Variants in NAV1 observed in about 807,000 individuals in gnomAD.
NAV1 encodes neuron navigator 1.
In NAV1, 18 loss-of-function variants were observed where a neutral mutation model predicts 175.2. The observed-to-expected ratio is 0.10, with a 90% CI of 0.07 to 0.15. The LOEUF (loss-of-function observed/expected upper bound fraction) is 0.15. Among genes scored for constraint, NAV1 ranks in the 10% least tolerant of loss-of-function variants. The pLI, the probability that NAV1 is intolerant of heterozygous loss-of-function variation, is 1.00. For missense variants in NAV1, 1,731 were observed against 2,436.6 expected (o/e 0.71, Z 6.10); for synonymous variants, 897 against 978.7 (o/e 0.92, Z 1.56).
At chr1:201,749,157 A>C (rs1673949730) in intron 3 of NAV1, among the ~76,000 whole-genome samples, 1 of 152,192 alleles carries the variant, frequency 6.6e-6, no homozygotes. Context: ...CAAAAAAAGA[A>C]AAAGACTCTC....
At chr1:201,551,986 G>A (rs1665868029) in intron 1 of NAV1, among the ~76,000 whole-genome samples, 2 of 152,118 alleles carry the variant, frequency 1.3e-5, no homozygotes, top group South Asian at 4.1e-4. Flanking sequence ...ACCCCTCTTA[G>A]TCATCTCCCC....
intron 1 of NAV1, among the ~76,000 whole-genome samples, chr1:201,684,831 C>T (rs1317440885): frequency 4.6e-5 from 7 of 150,956 alleles, no homozygotes; most frequent in Non-Finnish European, 8.9e-5. Flanking sequence ...GGTGTGGTGG[C>T]GAGCGCCTGT....
chr1:201,813,315 T>A lies in NAV1; in HGVS notation c.5340+57T>A. The A allele has an allele frequency of 8.8e-7, 1 of 1,135,790 alleles. No homozygotes were observed. The highest frequency in any genetic ancestry group is 1.3e-6 in the Non-Finnish European group (1 of 765,218). 70.4% of individuals were successfully genotyped at this position (1,135,790 alleles called of 1,614,324 possible). On this transcript the variant is annotated intron_variant, in intron 28 of 29. Transcript: ENST00000367296. The surrounding 1 kb of genome is among the most constrained non-coding windows in gnomAD (Gnocchi z 4.2). ...GATCAGGCTGTCCTACCTAACAAAG[T>A]AGGAATGTTTCTTTAATGTTAGGCA...
chr1:201,805,990 T>TC (rs1491487363), intron 17 of NAV1, among the ~76,000 whole-genome samples: 1 of 40,902 alleles, frequency 2.4e-5, no homozygotes, highest in African/African-American at 1.2e-4. Flanking sequence ...TCTCTCTCTC[T>TC]TTTTTTTTTT....
intron 2 of NAV1, among the ~76,000 whole-genome samples, chr1:201,611,444 C>G (rs1414668329): frequency 6.6e-6 from 1 of 152,164 alleles, no homozygotes; most frequent in Admixed American, 6.5e-5. Flanking sequence ...GCAGTCCTGT[C>G]CCCAGCCCTG....
chr1:201,727,868 T>C (rs189362585), intron 3 of NAV1, among the ~76,000 whole-genome samples: 4 of 152,272 alleles, frequency 2.6e-5, no homozygotes, highest in Admixed American at 2.6e-4. Flanking sequence ...TGAGGGCAGC[T>C]CCTAGAGGGC....
intron 8 of NAV1, among the ~76,000 whole-genome samples, chr1:201,786,208 G>A (rs1571492640): frequency 6.6e-6 from 1 of 152,106 alleles, no homozygotes. Context: ...AACCCTTACG[G>A]GAATACCTGC....
intron 1 of NAV1, among the ~76,000 whole-genome samples, chr1:201,681,836 C>T (rs12138341): frequency 0.42 from 63,351 of 151,350 alleles, 13,589 homozygotes; most frequent in South Asian, 0.63. Context: ...AGCCAAGGGC[C>T]GAGTGCTGTG....
At chr1:201,799,073 T>G (rs1466351652) in intron 15 of NAV1, among the ~76,000 whole-genome samples, 1 of 151,830 alleles carries the variant, frequency 6.6e-6, no homozygotes, top group Non-Finnish European at 1.5e-5. Flanking sequence ...TACATCCATC[T>G]TCAAAAAAAA....
rs1474498338 is a variant in NAV1 at position 201,719,160 on chromosome 1, A to G, written c.1226+405A>G. On this transcript the variant is annotated intron_variant, in intron 3 of 29. Coordinates refer to ENST00000367296, the Ensembl canonical transcript of NAV1. ...ACTAAATCTGCTTTCCCATTTGCAAAAAAAAAAAAAACCAAAAAGGTTATT... is the reference window on the plus strand; with the variant it reads ...ACTAAATCTGCTTTCCCATTTGCAAGAAAAAAAAAAACCAAAAAGGTTATT... Among the ~76,000 whole-genome samples the G allele has an allele frequency of 2.0e-5, 3 of 150,356 alleles. No homozygotes were observed. The East Asian group carries it at 5.8e-4, about 29-fold the overall frequency.
intron 1 of NAV1, among the ~76,000 whole-genome samples, chr1:201,684,625 C>T (rs180864472): frequency 0.015 from 2,318 of 151,712 alleles, 33 homozygotes; most frequent in Non-Finnish European, 0.02. Flanking sequence ...CAGGCATCTG[C>T]CACCACGCCT....
At chr1:201,714,384 G>C (rs778543666) in intron 2 of NAV1, among the ~76,000 whole-genome samples, 1 of 152,126 alleles carries the variant, frequency 6.6e-6, no homozygotes, top group Non-Finnish European at 1.5e-5. Flanking sequence ...GCCCATGCCC[G>C]CATCTTGGAC....
Position 201,679,298 on chromosome 1 carries a change from G to A in NAV1, c.757+29873G>A, listed in dbSNP as rs78150137. 8.5e-5 allele frequency among the ~76,000 whole-genome samples: 13 copies of A among 152,284 alleles called. No individual in the cohort carries two copies. In the South Asian group the frequency reaches 1.5e-3, roughly 17 times the overall value. On this transcript the variant is annotated intron_variant, in intron 1 of 29. Transcript: ENST00000367296. Reference sequence around the variant, plus strand: ...GTCCTCTAATTACCGGTGTGCATCTGGGAAAGTGAGTCAGCCACGTGAAAA... The same window carrying A: ...GTCCTCTAATTACCGGTGTGCATCTAGGAAAGTGAGTCAGCCACGTGAAAA...
chr1:201,601,157 T>A (rs1285378814), intron 2 of NAV1, among the ~76,000 whole-genome samples: 1 of 152,252 alleles, frequency 6.6e-6, no homozygotes, highest in Non-Finnish European at 1.5e-5. Flanking sequence ...TAGCTGCTGT[T>A]GTCTGCATGT....
chr1:201,809,857 T>G (rs570435352), intron 22 of NAV1, 89 bp from the exon 27 acceptor site: 2 of 1,279,382 alleles, frequency 1.6e-6, no homozygotes, highest in African/African-American at 3.0e-5. Context: ...CTCCATCTAT[T>G]TCTGTTTCCT....
chr1:201,672,913 G>A (rs534163790), intron 1 of NAV1, among the ~76,000 whole-genome samples: 2 of 152,308 alleles, frequency 1.3e-5, no homozygotes, highest in South Asian at 2.1e-4. Context: ...GACTGATGGC[G>A]ATGCCAGTGG....
At chr1:201,593,849 A>G (rs1381635467) in intron 2 of NAV1, among the ~76,000 whole-genome samples, 1 of 152,084 alleles carries the variant, frequency 6.6e-6, no homozygotes, top group East Asian at 1.9e-4. Context: ...CTCTAGTTGC[A>G]GCTGCAGGGA....
In NAV1 at chr1:201,808,321, G is replaced by A. The variant is rs1215169257; in HGVS notation, c.3846-97G>A. ...TCTCATGCTGATTGAATATCAATGG[G>A]CAGGAGAAGCCAAGACCACCAACCA... On this transcript the variant is annotated intron_variant, in intron 18 of 29. Coordinates refer to ENST00000367296, the Ensembl canonical transcript of NAV1. The surrounding 1 kb of genome is among the most constrained non-coding windows in gnomAD (Gnocchi z 5.5). The A allele has an allele frequency of 3.5e-6, 5 of 1,435,418 alleles. No homozygotes were observed. The highest frequency in any genetic ancestry group is 4.7e-6 in the Non-Finnish European group (5 of 1,060,008). 88.9% of individuals were successfully genotyped at this position (1,435,418 alleles called of 1,614,324 possible).
At chr1:201,545,022 C>T (rs765572729) in intron 1 of NAV1, among the ~76,000 whole-genome samples, 3 of 152,222 alleles carry the variant, frequency 2.0e-5, no homozygotes, top group Non-Finnish European at 4.4e-5. Context: ...AAATTATATC[C>T]TCCACATGAG....
Sources: gnomAD v4.1 joint callset for allele counts (sites outside exome capture counted in the v4.1 genomes callset) on GRCh38, gnomAD v4.1.1 for gene constraint, Gnocchi (gnomAD v3.1) non-coding constraint, MANE v1.5 for transcripts, NCBI Gene and HGNC (gene_info 2026-07-23, HGNC 2026-07-21) for gene names.